Variants in UFM1 observed in about 807,000 individuals in gnomAD.
UFM1 encodes ubiquitin fold modifier 1.
A neutral mutation model predicts 15.4 loss-of-function variants in UFM1; 9 were observed. The observed-to-expected ratio is 0.59, with a 90% CI of 0.35 to 1.02. The LOEUF (loss-of-function observed/expected upper bound fraction) is 1.02. Among genes scored for constraint, UFM1 ranks in the 50% least tolerant of loss-of-function variants. The pLI, the probability that UFM1 is intolerant of heterozygous loss-of-function variation, is 0.02. For missense variants in UFM1, 98 were observed against 104.7 expected, an observed-to-expected ratio of 0.94 and a Z score of 0.28; for synonymous variants, 27 against 36.3, an observed-to-expected ratio of 0.74 and a Z score of 0.92.
intron 3 of UFM1, among the ~76,000 whole-genome samples, chr13:38,357,113 C>T (rs554097664): frequency 3.1e-4 from 47 of 151,920 alleles, no homozygotes; most frequent in Non-Finnish European, 6.2e-4. Flanking sequence ...GTAACATCAT[C>T]TACACTTAAT....
rs1360336575 is a variant in UFM1 at position 38,350,053 on chromosome 13, A to G, written c.57A>G (p.Lys19=). ...CGTCGGACCCACGGCTGCCGTACAA[A>G]GTGTGAGTAGCTCGGCCGAGATGGG... ...TLTSDPRLPY[K]VLSVPESTPF... The change falls in exon 2 of 6, where the codon AAA becomes AAG. Residue 19 remains lysine (K), a splice_region_variant and synonymous_variant. Coordinates refer to ENST00000239878, the MANE Select transcript of UFM1 (RefSeq NM_016617.4). 1.2e-6 allele frequency: 2 copies of G among 1,614,206 alleles called. No individual in the cohort carries two copies. Among genetic ancestry groups the G allele is most frequent in the East Asian group, 2.2e-5 (1 of 44,884 alleles).
At chr13:38,356,175 CTG>C (rs1438825194) in intron 3 of UFM1, among the ~76,000 whole-genome samples, 4 of 151,856 alleles carry the variant, frequency 2.6e-5, no homozygotes, top group South Asian at 2.1e-4. Flanking sequence ...AAAGGGAAAA[CTG>C]TGTCAGCAAT....
intron 5 of UFM1, chr13:38,360,020 A>G: frequency 2.7e-6 from 1 of 367,576 alleles, no homozygotes; most frequent in Non-Finnish European, 5.4e-6. Context: ...TTATTGTAAC[A>G]AAATTATGTT....
intron 5 of UFM1, chr13:38,359,661 A>T (rs1445954467): frequency 5.2e-6 from 1 of 190,734 alleles, no homozygotes. Flanking sequence ...TAGTTGTGAG[A>T]TAGTGACTGT....
chr13:38,354,653 G>A, intron 3 of UFM1: 1 of 167,156 alleles, frequency 6.0e-6, no homozygotes, highest in Non-Finnish European at 1.3e-5. Context: ...TTCCAAAATT[G>A]CAATTTCATA....
intron 3 of UFM1, chr13:38,354,930 G>A (rs559418370): frequency 6.6e-6 from 1 of 151,920 alleles, no homozygotes; most frequent in Non-Finnish European, 1.5e-5. Context: ...TCATTAGTTA[G>A]CTATGTGACA....
intron 2 of UFM1, among the ~76,000 whole-genome samples, chr13:38,353,944 T>C (rs551686345): frequency 6.6e-6 from 1 of 152,220 alleles, no homozygotes; most frequent in Admixed American, 6.5e-5. Flanking sequence ...CAGCAGTTCA[T>C]ATGCTAGACT....
rs1258183002 is a variant in UFM1, at chr13:38,362,403, A to G, written c.*1625A>G. 1 of 152,124 alleles carries G rather than the reference A, an allele frequency of 6.6e-6. No homozygotes were observed. Among genetic ancestry groups the G allele is most frequent in the Admixed American group, 6.5e-5 (1 of 15,274 alleles). 9.4% of individuals were successfully genotyped at this position (152,124 alleles called of 1,614,324 possible). A position where few individuals can be genotyped will look rare whatever the true frequency, so the allele number is the denominator to read the frequency against. The stretch of plus-strand genomic sequence containing the variant: ...GCAGGATTATGAATTATCAAAGGAA[A>G]AAGTATTTGCTGAGGTGAAAAAATC... On this transcript the variant is annotated 3_prime_UTR_variant, in exon 6 of 6. Transcript: ENST00000239878.
intron 3 of UFM1, among the ~76,000 whole-genome samples, chr13:38,357,097 G>T (rs1435893186): frequency 6.6e-6 from 1 of 151,772 alleles, no homozygotes; most frequent in African/African-American, 2.4e-5. Context: ...TCACTTAATT[G>T]TCTAGGTAAC....
At chr13:38,355,815 G>A (rs1038443616) in intron 3 of UFM1, among the ~76,000 whole-genome samples, 1 of 151,804 alleles carries the variant, frequency 6.6e-6, no homozygotes, top group African/African-American at 2.4e-5. Context: ...TGTGAGAGGG[G>A]CTTTCACAAG....
intron 3 of UFM1, among the ~76,000 whole-genome samples, chr13:38,356,972 CT>C (rs1879129749): frequency 6.6e-6 from 1 of 151,844 alleles, no homozygotes; most frequent in Non-Finnish European, 1.5e-5. Context: ...TGGAATCTAC[CT>C]TTTAGCTACC....
Position 38,360,800 on chromosome 13 carries a change from G to A in UFM1, c.*22G>A, listed in dbSNP as rs773001805. ...TTAATATCTGCTACTTGGAACATAC[G>A]ATTGCCTTTCAGAATAAATATTGGT... On this transcript the variant is annotated 3_prime_UTR_variant, in exon 6 of 6. Coordinates refer to ENST00000239878, the MANE Select transcript of UFM1 (RefSeq NM_016617.4). The A allele has an allele frequency of 2.5e-5, 40 of 1,577,206 alleles. No individual in the cohort carries two copies. In the South Asian group the frequency reaches 3.0e-4, roughly 12 times the overall value.
chr13:38,354,972 A>G (rs1272587733), intron 3 of UFM1: 4 of 151,928 alleles, frequency 2.6e-5, no homozygotes, highest in African/African-American at 9.7e-5. Flanking sequence ...ATTCTGCAAA[A>G]TGGAAGTAGT....
intron 5 of UFM1, chr13:38,359,992 A>T (rs1286592524): frequency 3.0e-6 from 1 of 328,472 alleles, no homozygotes; most frequent in African/African-American, 2.2e-5. Context: ...TTTTTAAATT[A>T]TATTCTAAAG....
At chr13:38,360,624 A>T (rs1879325747) in intron 5 of UFM1, 87 bp from the exon 6 acceptor site, 1 of 1,058,166 alleles carries the variant, frequency 9.5e-7, no homozygotes, top group Non-Finnish European at 1.4e-6. Flanking sequence ...CTGTTTACTA[A>T]ATCATTTATT....
rs1325231478 is a variant in UFM1 at position 38,361,027 on chromosome 13, TTCG to T, written c.*251_*253del. ...GCTACCTCACAACACAAACAGGTAG[TTCG>T]TTGGGGGCAAATGAATTAGCCAACT... On this transcript the variant is annotated 3_prime_UTR_variant, in exon 6 of 6. Transcript: ENST00000239878. 5 of 328,496 alleles carry T rather than the reference TTCG, an allele frequency of 1.5e-5. No homozygotes were observed. The highest frequency in any genetic ancestry group is 1.5e-4 in the Admixed American group (3 of 20,576). 20.3% of individuals were successfully genotyped at this position (328,496 alleles called of 1,614,324 possible). A position where few individuals can be genotyped will look rare whatever the true frequency, so the allele number is the denominator to read the frequency against.
At position 38,349,852 on chromosome 13, in the gene UFM1, G is replaced by A. The variant is rs1197110094; in HGVS notation, c.-68G>A. The A allele has an allele frequency of 2.5e-6, 4 of 1,613,590 alleles. No individual in the cohort carries two copies. Among genetic ancestry groups the A allele is most frequent in the African/African-American group, 1.3e-5 (1 of 74,880 alleles). Reference sequence around the variant, plus strand: ...CGTGAGTGGAGCGGGGCGGTCCCCAGCACACTAGAGGAAGTCGTGCTACCC... The same window carrying A: ...CGTGAGTGGAGCGGGGCGGTCCCCAACACACTAGAGGAAGTCGTGCTACCC... On this transcript the variant is annotated 5_prime_UTR_variant, in exon 1 of 6. Transcript: ENST00000239878.
chr13:38,352,288 G>A (rs539564560), intron 2 of UFM1, among the ~76,000 whole-genome samples: 1 of 151,714 alleles, frequency 6.6e-6, no homozygotes, highest in Admixed American at 6.6e-5. Flanking sequence ...TAGTAGAGAC[G>A]GGGTGTCACT....
intron 3 of UFM1, chr13:38,354,835 C>T (rs1879023825): frequency 6.6e-6 from 1 of 151,924 alleles, no homozygotes; most frequent in African/African-American, 2.4e-5. Flanking sequence ...ACTTTTTGGA[C>T]ATGACACTTG....
Sources: allele counts gnomAD v4.1 joint callset (sites outside exome capture counted in the v4.1 genomes callset), GRCh38; gene constraint gnomAD v4.1.1; transcripts MANE v1.5; gene names NCBI Gene and HGNC (gene_info 2026-07-23, HGNC 2026-07-21).